Variants in EHMT1 observed in about 807,000 individuals in gnomAD.
EHMT1 encodes euchromatic histone lysine methyltransferase 1, also known as histone-lysine N-methyltransferase EHMT1.
A neutral mutation model predicts 147.2 loss-of-function variants in EHMT1; 15 were observed. That is an observed-to-expected ratio of 0.10 (90% CI 0.07 to 0.16). The LOEUF is 0.16. Among genes scored for constraint, EHMT1 ranks in the 10% least tolerant of loss-of-function variants. The probability of loss-of-function intolerance (pLI) is 1.00; values close to 1 mark genes in which losing one functional copy is unlikely to be tolerated. For missense variants in EHMT1, 1,587 were observed against 1,772.4 expected (o/e 0.90, Z 1.88); for synonymous variants, 795 against 709.6 (o/e 1.12, Z -1.91).
chr9:137,784,189 A>G (rs1275645455), intron 15 of EHMT1: 5 of 1,550,910 alleles, frequency 3.2e-6, no homozygotes, highest in Non-Finnish European at 4.4e-6. Context: ...GAACACAGCC[A>G]GGAACCACGC....
At chr9:137,809,072 G>A (rs900631258) in intron 18 of EHMT1, among the ~76,000 whole-genome samples, 3 of 152,182 alleles carry the variant, frequency 2.0e-5, no homozygotes, top group Non-Finnish European at 2.9e-5. Context: ...AGAGCAGAGG[G>A]GTGGAGGAGC....
chr9:137,748,998 G>C (rs1819622742), intron 6 of EHMT1, among the ~76,000 whole-genome samples: 1 of 152,176 alleles, frequency 6.6e-6, no homozygotes, highest in African/African-American at 2.4e-5. Flanking sequence ...GGTGAAGGGA[G>C]AGCTGGACCC....
chr9:137,792,185 GA>G, intron 16 of EHMT1: 1 of 452,920 alleles, frequency 2.2e-6, no homozygotes, highest in South Asian at 1.6e-5. Flanking sequence ...CCACAGTAAT[GA>G]AAACAGTGTG....
At chr9:137,788,012 G>GGCCCTA in intron 15 of EHMT1, 1 of 1,441,948 alleles carries the variant, frequency 6.9e-7, no homozygotes, top group Admixed American at 1.8e-5. Context: ...GGAGAGGCCA[G>GGCCCTA]GCCCTAGGCT....
chr9:137,763,916 A>T (rs1219176547), intron 10 of EHMT1: 1 of 152,306 alleles, frequency 6.6e-6, no homozygotes, highest in African/African-American at 2.4e-5. Context: ...AACACCCGGG[A>T]GGAGCGGGCA....
intron 4 of EHMT1, 85 bp downstream of exon 4, chr9:137,728,614 T>C (rs1946832320): frequency 6.4e-7 from 1 of 1,569,870 alleles, no homozygotes; most frequent in Admixed American, 1.7e-5. Flanking sequence ...TGTTTGGCTG[T>C]AAGTGCCTGT....
chr9:137,653,208 A>G (rs1340259573), intron 1 of EHMT1, among the ~76,000 whole-genome samples: 1 of 152,050 alleles, frequency 6.6e-6, no homozygotes, highest in African/African-American at 2.4e-5. Context: ...TTTATACTGT[A>G]TTTTTATTGT....
At chr9:137,687,448 A>C (rs1942555601) in intron 1 of EHMT1, among the ~76,000 whole-genome samples, 1 of 152,062 alleles carries the variant, frequency 6.6e-6, no homozygotes, top group Non-Finnish European at 1.5e-5. Flanking sequence ...GTTGAGGTAG[A>C]GAGTTGAGGT....
At chr9:137,790,613 A>G (rs969267871) in intron 15 of EHMT1, among the ~76,000 whole-genome samples, 5 of 152,220 alleles carry the variant, frequency 3.3e-5, no homozygotes, top group African/African-American at 1.2e-4. Flanking sequence ...AACATTTACT[A>G]TCAAATTACC....
chr9:137,760,743 C>T (rs1423102952), intron 9 of EHMT1, among the ~76,000 whole-genome samples: 2 of 152,198 alleles, frequency 1.3e-5, no homozygotes, highest in African/African-American at 4.8e-5. Context: ...GGCAGGGCGG[C>T]TCAGGCCTGT....
In EHMT1 at chr9:137,619,059, G is replaced by T; in HGVS notation, c.21+10G>T. 2.2e-6 allele frequency: 2 copies of T among 908,166 alleles called. No individual in the cohort carries two copies. Among genetic ancestry groups the T allele is most frequent in the African/African-American group, 1.8e-5 (1 of 55,288 alleles). The allele number at this position is 908,166 out of a possible 1,614,324, so 56.3% of individuals were successfully genotyped here. On this transcript the variant is annotated intron_variant, in intron 1 of 26. Coordinates refer to ENST00000460843, the MANE Select transcript of EHMT1 (RefSeq NM_024757.5). ...CGCCGCCGATGCCGAGGTGAGCAGC[G>T]GGGCCGGCGGGGGGCGGCGCGGGGG...
In EHMT1 at chr9:137,823,326, C is replaced by T. The variant is rs181055710; in HGVS notation, c.3540+5188C>T. The stretch of plus-strand genomic sequence containing the variant: ...TGTTAGCCAGGATGGTCTCGATCTC[C>T]TGACCTTGTGATCTGCCCATCTCGG... On this transcript the variant is annotated intron_variant, in intron 25 of 26. Transcript: ENST00000460843. Among the ~76,000 whole-genome samples the T allele has an allele frequency of 6.3e-3, 956 of 151,184 alleles. 6 individuals carry two copies. Among genetic ancestry groups the T allele is most frequent in the Non-Finnish European group, 9.9e-3 (673 of 67,820 alleles).
At chr9:137,774,147 C>T (rs1950772197) in intron 10 of EHMT1, among the ~76,000 whole-genome samples, 1 of 152,242 alleles carries the variant, frequency 6.6e-6, no homozygotes, top group Non-Finnish European at 1.5e-5. Context: ...TACCGCTGCC[C>T]ACTGCTGGCC....
At chr9:137,784,246 C>T in intron 15 of EHMT1, 7 of 1,532,012 alleles carry the variant, frequency 4.6e-6, no homozygotes, top group Non-Finnish European at 8.8e-7. Flanking sequence ...CCAGGCCGCC[C>T]ACAGGGAGCA....
At chr9:137,686,350 TG>T (rs1436819864) in intron 1 of EHMT1, among the ~76,000 whole-genome samples, 2 of 151,742 alleles carry the variant, frequency 1.3e-5, no homozygotes, top group South Asian at 2.1e-4. Context: ...ATCTCATATT[TG>T]TTTTTTTTAT....
chr9:137,707,238 T>C (rs1337860768), intron 1 of EHMT1, among the ~76,000 whole-genome samples: 1 of 152,206 alleles, frequency 6.6e-6, no homozygotes, highest in Non-Finnish European at 1.5e-5. Context: ...GGGGCTGGTC[T>C]CCGAAGCCAG....
intron 6 of EHMT1, among the ~76,000 whole-genome samples, chr9:137,749,523 C>T (rs890089144): frequency 6.6e-6 from 1 of 152,218 alleles, no homozygotes; most frequent in Non-Finnish European, 1.5e-5. Context: ...TAATCTTGAA[C>T]TTCTGGGCTC....
chr9:137,673,228 A>C (rs1488169914), intron 1 of EHMT1, among the ~76,000 whole-genome samples: 2 of 152,146 alleles, frequency 1.3e-5, no homozygotes, highest in African/African-American at 2.4e-5. Flanking sequence ...CTTGTGTGCT[A>C]GTCTGGGTGC....
intron 1 of EHMT1, among the ~76,000 whole-genome samples, chr9:137,669,027 C>T (rs981405400): frequency 6.6e-6 from 1 of 152,124 alleles, no homozygotes; most frequent in Non-Finnish European, 1.5e-5. Context: ...GCTGGGACCA[C>T]GTGCGTGCGC....
Sources: allele counts gnomAD v4.1 joint callset (sites outside exome capture counted in the v4.1 genomes callset), GRCh38; gene constraint gnomAD v4.1.1; transcripts MANE v1.5; gene names NCBI Gene and HGNC (gene_info 2026-07-23, HGNC 2026-07-21).